The following TNFSF4 variants were observed in gnomAD, a reference collection of about 807,000 sequenced individuals.
TNFSF4 encodes the protein tumor necrosis factor ligand superfamily member 4.
Under a neutral mutation model 7.3 loss-of-function variants are expected in TNFSF4, and 4 were observed. The ratio of observed to expected loss-of-function variants is 0.55; its 90% confidence interval spans 0.27 to 1.25. The LOEUF (loss-of-function observed/expected upper bound fraction) is 1.25. Ranked by LOEUF, TNFSF4 falls within the 50% of genes most tolerant of loss-of-function variation. The pLI is 0.12. For missense variants in TNFSF4, 181 were observed against 208.8 expected (o/e 0.87, Z 0.82); for synonymous variants, 76 against 83.7 (o/e 0.91, Z 0.50).
At chr1:173,327,168 G>T in the TNFSF4 span, among the ~76,000 whole-genome samples, 1 of 152,146 alleles carries the variant, frequency 6.6e-6, no homozygotes, top group Non-Finnish European at 1.5e-5. Flanking sequence ...CCAAAACAGA[G>T]ATATAGACCA....
the TNFSF4 span, among the ~76,000 whole-genome samples, chr1:173,300,596 C>T: frequency 6.6e-6 from 1 of 151,866 alleles, no homozygotes; most frequent in African/African-American, 2.4e-5. Flanking sequence ...TGCGATGCTA[C>T]AGGCATTAAT....
chr1:173,247,003 T>A, the TNFSF4 span, among the ~76,000 whole-genome samples: 1 of 152,250 alleles, frequency 6.6e-6, no homozygotes, highest in Admixed American at 6.5e-5. Context: ...CCTCCTTCTT[T>A]TCCCAGGGAA....
the TNFSF4 span, among the ~76,000 whole-genome samples, chr1:173,385,641 C>G: frequency 8.5e-5 from 13 of 152,178 alleles, no homozygotes; most frequent in African/African-American, 3.1e-4. Flanking sequence ...AGTTCGAGAC[C>G]AGCCTGGCCA....
At chr1:173,299,391 T>C in the TNFSF4 span, among the ~76,000 whole-genome samples, 1 of 151,772 alleles carries the variant, frequency 6.6e-6, no homozygotes, top group Non-Finnish European at 1.5e-5. Context: ...TGCCCCAAGG[T>C]GTTAGGATTC....
At chr1:173,323,650 T>C in the TNFSF4 span, among the ~76,000 whole-genome samples, 1 of 151,914 alleles carries the variant, frequency 6.6e-6, no homozygotes, top group Non-Finnish European at 1.5e-5. Flanking sequence ...GAATAACCAA[T>C]GAGGAGAAGT....
intron 1 of TNFSF4, among the ~76,000 whole-genome samples, chr1:173,205,895 T>G (rs1463874492): frequency 6.6e-6 from 1 of 152,196 alleles, no homozygotes; most frequent in Non-Finnish European, 1.5e-5. Flanking sequence ...AGCATGACAC[T>G]AGCTACACTT....
At chr1:173,386,392 G>A in the TNFSF4 span, among the ~76,000 whole-genome samples, 2 of 152,172 alleles carry the variant, frequency 1.3e-5, no homozygotes, top group East Asian at 1.9e-4. Flanking sequence ...GATTTCAAAG[G>A]ATGCCTCAGA....
At chr1:173,174,922 T>C in the TNFSF4 span, among the ~76,000 whole-genome samples, 1 of 152,330 alleles carries the variant, frequency 6.6e-6, no homozygotes, top group East Asian at 1.9e-4. Context: ...CACTTGGTAA[T>C]AATGTAAAAA....
the TNFSF4 span, among the ~76,000 whole-genome samples, chr1:173,278,693 A>G: frequency 2.0e-5 from 3 of 152,110 alleles, no homozygotes; most frequent in African/African-American, 7.2e-5. Flanking sequence ...CGATGTTTCA[A>G]AATTAATTAG....
chr1:173,395,013 T>C, the TNFSF4 span, among the ~76,000 whole-genome samples: 4 of 127,992 alleles, frequency 3.1e-5, no homozygotes, highest in Non-Finnish European at 5.1e-5. Flanking sequence ...GATAGATAGA[T>C]AGATAGATAG....
chr1:173,334,942 G>T, the TNFSF4 span, among the ~76,000 whole-genome samples: 3 of 152,048 alleles, frequency 2.0e-5, no homozygotes, highest in Admixed American at 6.6e-5. Context: ...CACTCCAAAA[G>T]AACTACTCAA....
chr1:173,277,965 G>A, the TNFSF4 span, among the ~76,000 whole-genome samples: 11 of 152,100 alleles, frequency 7.2e-5, no homozygotes, highest in African/African-American at 1.7e-4. Flanking sequence ...ATGACACCAC[G>A]AAGAATCCCA....
At chr1:173,273,906 T>C in the TNFSF4 span, among the ~76,000 whole-genome samples, 1 of 152,140 alleles carries the variant, frequency 6.6e-6, no homozygotes, top group Admixed American at 6.6e-5. Flanking sequence ...TTTTGCAAAC[T>C]TTCTATAAGA....
chr1:173,193,720 C>T (rs1649578095), intron 1 of TNFSF4, among the ~76,000 whole-genome samples: 1 of 151,080 alleles, frequency 6.6e-6, no homozygotes, highest in Non-Finnish European at 1.5e-5. Context: ...AAGGGAGAGC[C>T]CACACTCCAG....
At chr1:173,241,771 C>A in the TNFSF4 span, among the ~76,000 whole-genome samples, 2 of 152,122 alleles carry the variant, frequency 1.3e-5, no homozygotes, top group African/African-American at 4.8e-5. Flanking sequence ...ATGGGGTGAC[C>A]CTTGTTTCCT....
At chr1:173,378,891 A>C in the TNFSF4 span, among the ~76,000 whole-genome samples, 1 of 144,702 alleles carries the variant, frequency 6.9e-6, no homozygotes, top group Non-Finnish European at 1.5e-5. Context: ...CCCCCACCAC[A>C]GGCTATCATT....
chr1:173,367,564 A>T, the TNFSF4 span, among the ~76,000 whole-genome samples: 3 of 152,224 alleles, frequency 2.0e-5, no homozygotes, highest in Non-Finnish European at 4.4e-5. Flanking sequence ...TGTAGTGTTA[A>T]GAGTCAGGGG....
the TNFSF4 span, among the ~76,000 whole-genome samples, chr1:173,404,748 C>T: frequency 6.6e-6 from 1 of 152,122 alleles, no homozygotes; most frequent in African/African-American, 2.4e-5. Flanking sequence ...TCTTCTGCCT[C>T]AGCCTCCCAA....
the TNFSF4 span, among the ~76,000 whole-genome samples, chr1:173,365,072 G>A: frequency 6.7e-6 from 1 of 150,268 alleles, no homozygotes; most frequent in Non-Finnish European, 1.5e-5. Context: ...GGGAAACAGT[G>A]TGAGACCCTG....
Sources: allele counts gnomAD v4.1 joint callset (sites outside exome capture counted in the v4.1 genomes callset), GRCh38; gene constraint gnomAD v4.1.1; transcripts MANE v1.5; gene names NCBI Gene and HGNC (gene_info 2026-07-23, HGNC 2026-07-21).